Variants in KCTD3 observed in about 807,000 individuals in gnomAD.
The protein encoded by KCTD3 is BTB/POZ domain-containing protein KCTD3.
In KCTD3, 41 loss-of-function variants were observed where a neutral mutation model predicts 85.8. The ratio of observed to expected loss-of-function variants is 0.48; its 90% CI spans 0.37 to 0.62. The LOEUF is 0.62. Among genes scored for constraint, KCTD3 ranks in the 20% least tolerant of loss-of-function variants. KCTD3 has a pLI of 0.00. For missense variants in KCTD3, 724 were observed against 989.9 expected, an observed-to-expected ratio of 0.73 and a Z score of 3.60; for synonymous variants, 338 against 345.4, an observed-to-expected ratio of 0.98 and a Z score of 0.24.
At position 215,620,546 on chromosome 1, in the gene KCTD3, A is replaced by G. The variant is rs1303003106; in HGVS notation, c.2376A>G (p.Pro792=). The change falls in exon 18 of 18, where the codon CCA becomes CCG. Residue 792 remains proline, a synonymous_variant. Coordinates refer to ENST00000259154, the MANE Select transcript of KCTD3 (RefSeq NM_016121.5). ...CTGACTCACCTGGTACTGCGTCCCCATCTCCTACAAAGACTACTCCATCTC... is the reference window on the plus strand; with the variant it reads ...CTGACTCACCTGGTACTGCGTCCCCGTCTCCTACAAAGACTACTCCATCTC... ...GGTDSPGTAS[P]SPTKTTPSPR... The G allele has an allele frequency of 6.2e-7, 1 of 1,613,720 alleles. No individual in the cohort carries two copies. Among genetic ancestry groups the G allele is most frequent in the Non-Finnish European group, 8.5e-7 (1 of 1,179,832 alleles).
intron 10 of KCTD3, among the ~76,000 whole-genome samples, chr1:215,595,806 G>A (rs903096663): frequency 1.3e-5 from 2 of 152,152 alleles, no homozygotes; most frequent in Non-Finnish European, 2.9e-5. Flanking sequence ...AATCTGTTCA[G>A]AGATGATAGC....
intron 8 of KCTD3, among the ~76,000 whole-genome samples, chr1:215,584,385 G>A (rs761502594): frequency 6.6e-6 from 1 of 152,190 alleles, no homozygotes; most frequent in Non-Finnish European, 1.5e-5. Context: ...ATAAAGTGCA[G>A]CAAGAATAAT....
chr1:215,577,775 G>T, intron 5 of KCTD3, 47 bp downstream of exon 5: 1 of 1,395,930 alleles, frequency 7.2e-7, no homozygotes, highest in South Asian at 1.2e-5. Context: ...ACTCATGTAT[G>T]AAAGTTGCCC....
At chr1:215,584,925 C>T (rs1659952789) in intron 8 of KCTD3, among the ~76,000 whole-genome samples, 1 of 152,144 alleles carries the variant, frequency 6.6e-6, no homozygotes, top group African/African-American at 2.4e-5. Flanking sequence ...GTATACTTTA[C>T]TCAGTTGTTA....
chr1:215,574,450 A>G (rs879194198), intron 3 of KCTD3, among the ~76,000 whole-genome samples: 4 of 152,306 alleles, frequency 2.6e-5, no homozygotes, highest in African/African-American at 4.8e-5. Flanking sequence ...TTATATTAGA[A>G]TATAAGAGGT....
At chr1:215,588,202 G>A (rs1040444114) in intron 9 of KCTD3, among the ~76,000 whole-genome samples, 5 of 152,044 alleles carry the variant, frequency 3.3e-5, no homozygotes, top group Admixed American at 1.3e-4. Context: ...GGTACTTAAT[G>A]AACAGAGCAG....
At chr1:215,573,172 G>A (rs1460183652) in intron 1 of KCTD3, among the ~76,000 whole-genome samples, 2 of 152,162 alleles carry the variant, frequency 1.3e-5, no homozygotes, top group Non-Finnish European at 2.9e-5. Flanking sequence ...TGCCTATAAA[G>A]AAGGTGTTAA....
At chr1:215,609,723 G>A (rs1321157836) in intron 14 of KCTD3, among the ~76,000 whole-genome samples, 2 of 151,918 alleles carry the variant, frequency 1.3e-5, no homozygotes, top group African/African-American at 4.8e-5. Flanking sequence ...GAGAAATGGA[G>A]TAGCTGAGTA....
chr1:215,579,079 C>A lies in KCTD3; in HGVS notation c.477C>A (p.Ala159=). 4 of 1,597,688 alleles carry A rather than the reference C, an allele frequency of 2.5e-6. No homozygotes were observed. The highest frequency in any genetic ancestry group is 3.4e-6 in the Non-Finnish European group (4 of 1,174,846). The change falls in exon 7 of 18, where the codon GCC becomes GCA. Residue 159 remains alanine (A), a synonymous_variant. Coordinates refer to ENST00000259154, the MANE Select transcript of KCTD3 (RefSeq NM_016121.5). ...GTCTAAATTCTACAGAAGGTGAAGCCCGGGGAAATGGTACACAGCCTGTTC... is the reference window on the plus strand; with the variant it reads ...GTCTAAATTCTACAGAAGGTGAAGCACGGGGAAATGGTACACAGCCTGTTC... ...RNGLNSTEGE[A]RGNGTQPVLS... is the part of the protein sequence containing the mutation.
At chr1:215,605,954 G>C (rs754075467) in intron 13 of KCTD3, among the ~76,000 whole-genome samples, 4 of 152,092 alleles carry the variant, frequency 2.6e-5, no homozygotes, top group African/African-American at 4.8e-5. Flanking sequence ...GCAGCCAGAA[G>C]CATCTTTTAG....
chr1:215,568,544 G>A (rs972100861), intron 1 of KCTD3, among the ~76,000 whole-genome samples: 52 of 130,096 alleles, frequency 4.0e-4, no homozygotes, highest in Middle Eastern at 5.2e-3. Flanking sequence ...GGAAAAAATC[G>A]TAGTTTTTGT....
chr1:215,620,030 C>G, intron 17 of KCTD3, 27 bp from the exon 18 acceptor site: 1 of 1,518,010 alleles, frequency 6.6e-7, no homozygotes, highest in Non-Finnish European at 8.8e-7. Flanking sequence ...GAAATCTGAA[C>G]TGTCATTTTT....
chr1:215,617,708 G>A (rs996211003), intron 15 of KCTD3, among the ~76,000 whole-genome samples: 3 of 150,918 alleles, frequency 2.0e-5, no homozygotes, highest in African/African-American at 7.3e-5. Context: ...GGACAGGAGA[G>A]TGGGAACTGG....
intron 7 of KCTD3, among the ~76,000 whole-genome samples, chr1:215,579,643 C>T (rs568939368): frequency 3.9e-5 from 6 of 152,086 alleles, no homozygotes; most frequent in Non-Finnish European, 5.9e-5. Flanking sequence ...GGACTACAGG[C>T]GGCCGCCACC....
intron 9 of KCTD3, among the ~76,000 whole-genome samples, chr1:215,587,610 T>G (rs1660059608): frequency 6.6e-6 from 1 of 152,238 alleles, no homozygotes; most frequent in Admixed American, 6.5e-5. Context: ...AAATCTCTTT[T>G]TGAACTGTGA....
At chr1:215,594,691 C>T (rs114343835) in intron 9 of KCTD3, among the ~76,000 whole-genome samples, 2,605 of 152,118 alleles carry the variant, frequency 0.017, 78 homozygotes, top group African/African-American at 0.059. Flanking sequence ...TTAGTAATGT[C>T]TTGTCTTCTC....
intron 9 of KCTD3, among the ~76,000 whole-genome samples, chr1:215,591,287 TTTCCTTCCTTCCTTCCTTCCTTCCTTCC>T (rs10592000): frequency 1.7e-4 from 19 of 111,032 alleles, no homozygotes; most frequent in East Asian, 2.5e-4. Flanking sequence ...TCCTTCCTTC[TTTCCTTCCTTCCTTCCTTCCTTCCTTCC>T]TTCCTTCCTT....
chr1:215,614,657 G>A (rs541715581), intron 15 of KCTD3, among the ~76,000 whole-genome samples: 2 of 152,190 alleles, frequency 1.3e-5, no homozygotes, highest in Admixed American at 6.5e-5. Context: ...ACTGATTTTT[G>A]TACATTGATT....
chr1:215,573,861 T>C, intron 2 of KCTD3, 22 bp downstream of exon 2: 1 of 1,395,166 alleles, frequency 7.2e-7, no homozygotes, highest in Non-Finnish European at 1.0e-6. Flanking sequence ...AATTCTTTAG[T>C]GTATATTTTA....
Sources: allele counts gnomAD v4.1 joint callset (sites outside exome capture counted in the v4.1 genomes callset), GRCh38; gene constraint gnomAD v4.1.1; transcripts MANE v1.5; gene names NCBI Gene and HGNC (gene_info 2026-07-23, HGNC 2026-07-21).